The following KCNK10 variants were observed in gnomAD, a reference collection of about 807,000 sequenced individuals.
KCNK10 encodes the protein potassium two pore domain channel subfamily K member 10, also known as potassium channel subfamily K member 10.
Under a neutral mutation model 47.7 loss-of-function variants are expected in KCNK10, and 25 were observed. The ratio of observed to expected loss-of-function variants is 0.52; its 90% CI spans 0.38 to 0.73. KCNK10 has a LOEUF of 0.73. KCNK10 is among the 30% of genes least tolerant of loss of function. The pLI is 0.00. For missense variants in KCNK10, 563 were observed against 714.5 expected, an observed-to-expected ratio of 0.79 and a Z score of 2.42; for synonymous variants, 303 against 285.6, an observed-to-expected ratio of 1.06 and a Z score of -0.61.
chr14:88,282,148 A>G (rs1317662317), intron 1 of KCNK10, among the ~76,000 whole-genome samples: 2 of 152,204 alleles, frequency 1.3e-5, no homozygotes, highest in East Asian at 3.8e-4. Context: ...TGTTTGTTAT[A>G]TAGTAATTAT....
At chr14:88,285,105 A>AGTGT (rs1399177694) in intron 1 of KCNK10, among the ~76,000 whole-genome samples, 1 of 152,044 alleles carries the variant, frequency 6.6e-6, no homozygotes, top group Non-Finnish European at 1.5e-5. Context: ...TGTTTTAAAT[A>AGTGT]GTGTTTGTTT....
At chr14:88,230,572 T>C (rs1038819063) in intron 3 of KCNK10, among the ~76,000 whole-genome samples, 1 of 152,180 alleles carries the variant, frequency 6.6e-6, no homozygotes, top group African/African-American at 2.4e-5. Flanking sequence ...CTTGTTTAGT[T>C]GAGAGTGTGC....
chr14:88,226,908 T>G (rs1351694581), intron 4 of KCNK10, among the ~76,000 whole-genome samples: 3 of 152,104 alleles, frequency 2.0e-5, no homozygotes, highest in Non-Finnish European at 4.4e-5. Flanking sequence ...AGGAGACAGG[T>G]GCAAAGCACA....
At chr14:88,206,725 C>A (rs1452237023) in intron 4 of KCNK10, among the ~76,000 whole-genome samples, 3 of 152,226 alleles carry the variant, frequency 2.0e-5, no homozygotes, top group Non-Finnish European at 4.4e-5. Flanking sequence ...CATAACAGAG[C>A]ACCTATTATT....
At chr14:88,307,864 A>G (rs1195474416) in intron 1 of KCNK10, among the ~76,000 whole-genome samples, 2 of 152,164 alleles carry the variant, frequency 1.3e-5, no homozygotes, top group African/African-American at 4.8e-5. Flanking sequence ...ATTGATGTTT[A>G]TTAGGTGCCT....
intron 3 of KCNK10, among the ~76,000 whole-genome samples, chr14:88,230,073 C>T (rs1400411356): frequency 6.6e-6 from 1 of 152,154 alleles, no homozygotes; most frequent in African/African-American, 2.4e-5. Context: ...AAAGTGCCTA[C>T]CCATAGCTAT....
chr14:88,269,642 G>T (rs558444138), intron 1 of KCNK10, among the ~76,000 whole-genome samples: 3 of 152,196 alleles, frequency 2.0e-5, no homozygotes, highest in Non-Finnish European at 4.4e-5. Flanking sequence ...TCACTACATT[G>T]TCCAGGCTGG....
chr14:88,196,738 A>C (rs1884926974), intron 4 of KCNK10, among the ~76,000 whole-genome samples: 1 of 152,236 alleles, frequency 6.6e-6, no homozygotes, highest in Non-Finnish European at 1.5e-5. Flanking sequence ...GTTTGTTGAA[A>C]TGCAAACACA....
chr14:88,305,530 CT>C (rs989381848), intron 1 of KCNK10, among the ~76,000 whole-genome samples: 49 of 152,272 alleles, frequency 3.2e-4, no homozygotes, highest in African/African-American at 1.1e-3. Context: ...TGCCAATCAG[CT>C]GTGGATTGTG....
At chr14:88,291,494 C>A (rs1354956304) in intron 1 of KCNK10, among the ~76,000 whole-genome samples, 2 of 152,164 alleles carry the variant, frequency 1.3e-5, no homozygotes, top group Non-Finnish European at 2.9e-5. Context: ...AGCATTGCAG[C>A]ACTATGGCAA....
At chr14:88,326,288 A>G (rs1888661483), upstream of KCNK10, 1 of 690,524 alleles carries the variant, frequency 1.4e-6, no homozygotes, top group Non-Finnish European at 2.5e-6. Context: ...GCGTATTTGG[A>G]GTGGACTGCA....
intron 5 of KCNK10, among the ~76,000 whole-genome samples, chr14:88,190,397 C>T (rs1423169088): frequency 1.3e-5 from 2 of 152,206 alleles, no homozygotes; most frequent in African/African-American, 2.4e-5. Context: ...GGAAACACCA[C>T]TGAGTTTTCC....
At position 88,185,630 on chromosome 14, in the gene KCNK10, T is replaced by C. The variant is rs577103833; in HGVS notation, c.1537A>G (p.Ile513Val). Residue 513 changes from isoleucine to valine, a missense_variant, in exon 7 of 7, where the codon ATC becomes GTC. Ile to Val is a conservative substitution (Grantham distance 29). Transcript: ENST00000319231. This position sits in a 1 kb window ranked among gnomAD's most constrained non-coding sequence, Gnocchi z 4.3. ...TTCTCCAACTCAGCGTGCTGCTGGATACAGTCCGTCAGCATGGCTGTGCTG... is the reference window on the plus strand; with the variant it reads ...TTCTCCAACTCAGCGTGCTGCTGGACACAGTCCGTCAGCATGGCTGTGCTG... ...NSSTAMLTDC[I>V]QQHAELENGM... 2 of 1,614,216 alleles carry C rather than the reference T, an allele frequency of 1.2e-6. No individual in the cohort carries two copies. The highest frequency in any genetic ancestry group is 3.3e-5 in the Admixed American group (2 of 60,030).
At chr14:88,279,792 G>A (rs1595120268) in intron 1 of KCNK10, among the ~76,000 whole-genome samples, 1 of 152,242 alleles carries the variant, frequency 6.6e-6, no homozygotes, top group East Asian at 1.9e-4. Flanking sequence ...GTATCTCCCA[G>A]AATTCCCATG....
chr14:88,255,684 C>A (rs1886934365), intron 2 of KCNK10, among the ~76,000 whole-genome samples: 1 of 151,828 alleles, frequency 6.6e-6, no homozygotes, highest in Admixed American at 6.6e-5. Context: ...GAGAAGCCAG[C>A]CTTCCAGGGA....
rs1286352916 is a variant in KCNK10, at chr14:88,183,642, T to C, written c.*1893A>G. 6.6e-6 allele frequency: 1 copy of C among 151,794 alleles called. No homozygotes were observed. Among genetic ancestry groups the C allele is most frequent in the Non-Finnish European group, 1.5e-5 (1 of 67,934 alleles). The allele number at this position is 151,794 out of a possible 1,614,324, so 9.4% of individuals were successfully genotyped here. On this transcript the variant is annotated 3_prime_UTR_variant, in exon 7 of 7. Transcript: ENST00000319231. The stretch of plus-strand genomic sequence containing the variant: ...CCTCATCTCCAGTCCAATGGAGGAG[T>C]TGACTTAGACCTTCCTTGGACAGGA...
intron 4 of KCNK10, among the ~76,000 whole-genome samples, chr14:88,199,955 G>GTTTCTTTC (rs746703626): frequency 6.6e-6 from 1 of 152,048 alleles, no homozygotes; most frequent in Non-Finnish European, 1.5e-5. Context: ...CCAATAGACA[G>GTTTCTTTC]TTTCTTTCTT....
At chr14:88,189,637 G>T (rs533923327) in intron 5 of KCNK10, among the ~76,000 whole-genome samples, 4 of 152,254 alleles carry the variant, frequency 2.6e-5, no homozygotes, top group African/African-American at 9.6e-5. Flanking sequence ...CCCAGACAGA[G>T]TTGCGAAATA....
At chr14:88,321,201 T>A (rs151125376) in intron 1 of KCNK10, among the ~76,000 whole-genome samples, 1 of 152,310 alleles carries the variant, frequency 6.6e-6, no homozygotes, top group Non-Finnish European at 1.5e-5. Flanking sequence ...CCCTTTGCAC[T>A]TGCTGTTCCC....
Sources: gnomAD v4.1 joint callset for allele counts (sites outside exome capture counted in the v4.1 genomes callset) on GRCh38, gnomAD v4.1.1 for gene constraint, Gnocchi (gnomAD v3.1) non-coding constraint, MANE v1.5 for transcripts, NCBI Gene and HGNC (gene_info 2026-07-23, HGNC 2026-07-21) for gene names.